The following MYO18B variants were observed in gnomAD, a reference collection of about 807,000 sequenced individuals.
MYO18B encodes myosin XVIIIB, also known as unconventional myosin-XVIIIb.
MYO18B carries 204 observed loss-of-function variants against 273.0 expected under a neutral mutation model. That is an observed-to-expected ratio of 0.75 (90% CI 0.67 to 0.84). MYO18B has a LOEUF of 0.84. Ranked by LOEUF, MYO18B falls within the 40% of genes least tolerant of loss-of-function variation. The probability of loss-of-function intolerance (pLI) is 0.00; values close to 1 mark genes in which losing one functional copy is unlikely to be tolerated. For synonymous variants in MYO18B, 1,330 were observed against 1,305.7 expected (o/e 1.02, Z -0.40); for missense variants, 3,212 against 3,287.6 (o/e 0.98, Z 0.56).
chr22:25,861,380 TA>T (rs1241261808), intron 21 of MYO18B, among the ~76,000 whole-genome samples: 6 of 152,238 alleles, frequency 3.9e-5, no homozygotes, highest in African/African-American at 1.4e-4. Flanking sequence ...TTTGTTGCTA[TA>T]AAATGTCTCC....
chr22:25,997,576 T>C (rs951026452), intron 40 of MYO18B, among the ~76,000 whole-genome samples: 5 of 152,120 alleles, frequency 3.3e-5, no homozygotes, highest in Non-Finnish European at 7.3e-5. Flanking sequence ...AGTAATATCA[T>C]AGAAATGGGG....
chr22:25,892,879 C>T (rs994824414), intron 27 of MYO18B, among the ~76,000 whole-genome samples: 3 of 152,076 alleles, frequency 2.0e-5, no homozygotes, highest in African/African-American at 7.2e-5. Flanking sequence ...CCCAGAGGGG[C>T]GCCAGTGTCA....
chr22:25,835,153 G>C (rs557655805), intron 16 of MYO18B, 143 bp from the exon 17 acceptor site: 3 of 948,156 alleles, frequency 3.2e-6, no homozygotes, highest in Admixed American at 5.8e-5. Context: ...GGGGTGATTG[G>C]GAGCATGGTT....
At chr22:25,960,328 G>A (rs1455033772) in intron 39 of MYO18B, among the ~76,000 whole-genome samples, 1 of 152,106 alleles carries the variant, frequency 6.6e-6, no homozygotes, top group Non-Finnish European at 1.5e-5. Context: ...GGGCCCGGGG[G>A]AACCACCCTG....
At chr22:26,035,836 G>A (rs1006284136), downstream of MYO18B, among the ~76,000 whole-genome samples, 3 of 152,202 alleles carry the variant, frequency 2.0e-5, no homozygotes, top group Non-Finnish European at 4.4e-5. Flanking sequence ...TCATTGTCTG[G>A]GTGCAGCAAT....
chr22:25,853,810 G>A (rs918307800), intron 21 of MYO18B, among the ~76,000 whole-genome samples: 3 of 152,166 alleles, frequency 2.0e-5, no homozygotes, highest in African/African-American at 7.2e-5. Context: ...AATGGACTTG[G>A]TTGGGAATTT....
chr22:25,876,443 T>C, intron 24 of MYO18B, 111 bp downstream of exon 24: 5 of 1,247,146 alleles, frequency 4.0e-6, no homozygotes, highest in Non-Finnish European at 5.4e-6. Context: ...GATCTAGGAA[T>C]GCTCAGCCCA....
At chr22:26,000,141 G>A (rs908127830) in intron 40 of MYO18B, among the ~76,000 whole-genome samples, 7 of 152,248 alleles carry the variant, frequency 4.6e-5, no homozygotes, top group South Asian at 2.1e-4. Context: ...GGGACAGGGG[G>A]TACAGTAGGG....
At chr22:25,756,824 G>A (rs1254710220) in intron 1 of MYO18B, among the ~76,000 whole-genome samples, 2 of 151,814 alleles carry the variant, frequency 1.3e-5, no homozygotes, top group African/African-American at 2.4e-5. Flanking sequence ...ACTTTGGGAG[G>A]CCGAGGCAGG....
At chr22:25,933,461 CTT>C (rs1164885329) in intron 34 of MYO18B, among the ~76,000 whole-genome samples, 1 of 151,574 alleles carries the variant, frequency 6.6e-6, no homozygotes, top group African/African-American at 2.4e-5. Flanking sequence ...CCACACAGGC[CTT>C]TTGTCTTCTG....
At chr22:26,029,718 A>ACCCC (rs1267382130) in intron 43 of MYO18B, among the ~76,000 whole-genome samples, 1 of 151,486 alleles carries the variant, frequency 6.6e-6, no homozygotes, top group African/African-American at 2.4e-5. Flanking sequence ...ACCAAACAAG[A>ACCCC]CCCCCCAAAG....
At chr22:25,851,837 G>A (rs1378791530) in intron 21 of MYO18B, among the ~76,000 whole-genome samples, 1 of 152,186 alleles carries the variant, frequency 6.6e-6, no homozygotes, top group African/African-American at 2.4e-5. Context: ...CTGAAAGCAG[G>A]ACCATGGGGG....
chr22:26,032,553 C>T (rs1309126858), downstream of MYO18B, among the ~76,000 whole-genome samples: 2 of 137,112 alleles, frequency 1.5e-5, no homozygotes, highest in African/African-American at 2.8e-5. Context: ...GGGAGTTTCA[C>T]TCTTGTGGCC....
rs2090295505 is a variant in MYO18B, at chr22:25,847,652, G to A, written c.3775G>A (p.Gly1259Ser). 1 of 1,553,480 alleles carries A rather than the reference G, an allele frequency of 6.4e-7. No individual in the cohort carries two copies. Among genetic ancestry groups the A allele is most frequent in the Non-Finnish European group, 8.7e-7 (1 of 1,148,616 alleles). Residue 1259 changes from glycine to serine, a missense_variant and splice_region_variant, in exon 20 of 44, where the codon GGC becomes AGC. Gly to Ser is a moderately conservative substitution (Grantham distance 56, BLOSUM62 0). Transcript: ENST00000335473. Reference protein sequence around the residue: ...ILEALRLHRTGYADHMGLTRF... With the variant: ...ILEALRLHRTSYADHMGLTRF... ...GGAGGCTCTGCGTCTGCATAGGACA[G>A]GTAAGAGACAGCTAGGACACAGCAC... is the stretch of plus-strand genomic sequence containing the variant.
intron 42 of MYO18B, among the ~76,000 whole-genome samples, chr22:26,008,611 C>T (rs1001945295): frequency 4.6e-5 from 7 of 152,194 alleles, no homozygotes; most frequent in African/African-American, 1.2e-4. Flanking sequence ...ATGCTGCTGC[C>T]GCTGATAAGT....
chr22:25,756,969 G>A (rs918023831), intron 1 of MYO18B, among the ~76,000 whole-genome samples: 1 of 152,172 alleles, frequency 6.6e-6, no homozygotes, highest in South Asian at 2.1e-4. Flanking sequence ...GCTGAGACAG[G>A]AGAATCACTT....
intron 39 of MYO18B, among the ~76,000 whole-genome samples, chr22:25,988,100 C>T (rs2093221430): frequency 6.6e-6 from 1 of 151,930 alleles, no homozygotes; most frequent in South Asian, 2.1e-4. Context: ...CTGTCGTTGC[C>T]TCCCGCCCAC....
intron 34 of MYO18B, among the ~76,000 whole-genome samples, chr22:25,927,860 C>A (rs142503729): frequency 1.1e-4 from 17 of 152,086 alleles, no homozygotes; most frequent in African/African-American, 3.9e-4. Context: ...ACGTGAATAT[C>A]GGGGCAGATT....
intron 34 of MYO18B, among the ~76,000 whole-genome samples, chr22:25,925,362 T>C (rs773521602): frequency 2.0e-4 from 30 of 152,038 alleles, no homozygotes; most frequent in Non-Finnish European, 3.5e-4. Flanking sequence ...TCGAGTTCAG[T>C]GGTAGCATGT....
Sources: gnomAD v4.1 joint callset for allele counts (sites outside exome capture counted in the v4.1 genomes callset) on GRCh38, gnomAD v4.1.1 for gene constraint, MANE v1.5 for transcripts, NCBI Gene and HGNC (gene_info 2026-07-23, HGNC 2026-07-21) for gene names.